Variants in NOSTRIN observed in about 807,000 individuals in gnomAD.
The protein encoded by NOSTRIN is nitric oxide synthase trafficking, also known as BM247 homolog.
In NOSTRIN, 63 loss-of-function variants were observed where a neutral mutation model predicts 59.0. The ratio of observed to expected loss-of-function variants is 1.07; its 90% CI spans 0.87 to 1.32. The LOEUF (loss-of-function observed/expected upper bound fraction) is 1.32, where lower values mean the gene tolerates loss of function less well. Among genes scored for constraint, NOSTRIN ranks in the 40% most tolerant of loss-of-function variants. The pLI is 0.00. For synonymous variants in NOSTRIN, 200 were observed against 165.4 expected (o/e 1.21, Z -1.61); for missense variants, 512 against 473.1 (o/e 1.08, Z -0.76).
chr2:168,851,245 C>G, intron 9 of NOSTRIN, 34 bp from the exon 10 acceptor site: 1 of 1,613,858 alleles, frequency 6.2e-7, no homozygotes, highest in South Asian at 1.1e-5. Context: ...AACCTTTCTT[C>G]GACAACCTTA....
intron 2 of NOSTRIN, among the ~76,000 whole-genome samples, chr2:168,788,405 T>A (rs1685260709): frequency 6.6e-6 from 1 of 150,788 alleles, no homozygotes; most frequent in Non-Finnish European, 1.5e-5. Context: ...TGGCCCGGAG[T>A]GGAATGATGG....
At chr2:168,823,216 C>T (rs1686855874) in intron 2 of NOSTRIN, among the ~76,000 whole-genome samples, 1 of 151,978 alleles carries the variant, frequency 6.6e-6, no homozygotes, top group South Asian at 2.1e-4. Flanking sequence ...CGGGGTTTCA[C>T]TGTGTTAGCC....
At chr2:168,846,504 G>C (rs940622936) in intron 8 of NOSTRIN, among the ~76,000 whole-genome samples, 2 of 152,136 alleles carry the variant, frequency 1.3e-5, no homozygotes, top group African/African-American at 4.8e-5. Context: ...CCTCAAATGT[G>C]ACTATAAGTA....
intron 2 of NOSTRIN, among the ~76,000 whole-genome samples, chr2:168,821,651 T>A (rs1472059426): frequency 3.3e-5 from 5 of 152,212 alleles, no homozygotes; most frequent in Non-Finnish European, 7.3e-5. Context: ...CGAGGATCCT[T>A]TTTTAGACGG....
Position 168,812,701 on chromosome 2 carries a change from C to A in NOSTRIN, c.113+1049C>A, listed in dbSNP as rs938284237. The stretch of plus-strand genomic sequence containing the variant: ...AGGAAAATGTGGGAAGGTAAATATA[C>A]GGGAAGAGTAAAGTCTGCTCCTAGA... On this transcript the variant is annotated intron_variant, in intron 2 of 15. Coordinates refer to ENST00000317647, the MANE Select transcript of NOSTRIN (RefSeq NM_001039724.4). Among the ~76,000 whole-genome samples the A allele has an allele frequency of 2.6e-5, 4 of 152,198 alleles. No individual in the cohort carries two copies. In the East Asian group the frequency reaches 7.7e-4, roughly 29 times the overall value.
chr2:168,834,502 C>T (rs113027495), intron 7 of NOSTRIN, among the ~76,000 whole-genome samples, 177 bp downstream of exon 7: 1 of 56,750 alleles, frequency 1.8e-5, no homozygotes, highest in Admixed American at 2.4e-4. Flanking sequence ...CGCGCGCGCG[C>T]GCGCGCACAC....
intron 7 of NOSTRIN, among the ~76,000 whole-genome samples, chr2:168,834,535 A>ACACACACACC (rs1687604797): frequency 6.7e-6 from 1 of 149,536 alleles, no homozygotes; most frequent in Non-Finnish European, 1.5e-5. Context: ...ACACACACAC[A>ACACACACACC]CACACACCAC....
chr2:168,814,273 A>G (rs1234609685), intron 2 of NOSTRIN, among the ~76,000 whole-genome samples: 1 of 152,212 alleles, frequency 6.6e-6, no homozygotes, highest in African/African-American at 2.4e-5. Flanking sequence ...GTCAACAATT[A>G]TGTTGGTTAT....
intron 10 of NOSTRIN, among the ~76,000 whole-genome samples, chr2:168,853,184 G>C (rs556136004): frequency 3.9e-5 from 6 of 152,262 alleles, no homozygotes; most frequent in Non-Finnish European, 8.8e-5. Flanking sequence ...CTAAGAGAAA[G>C]GACTGTGTCT....
At chr2:168,794,509 G>A (rs541701404), upstream of NOSTRIN, among the ~76,000 whole-genome samples, 5 of 150,996 alleles carry the variant, frequency 3.3e-5, no homozygotes, top group South Asian at 8.4e-4. Flanking sequence ...CCGCCACCGC[G>A]CCTGGCTAAT....
chr2:168,815,595 A>G (rs970414535), intron 2 of NOSTRIN, among the ~76,000 whole-genome samples: 1 of 152,214 alleles, frequency 6.6e-6, no homozygotes, highest in Non-Finnish European at 1.5e-5. Context: ...TCAATCCATG[A>G]TTCATTGCGG....
chr2:168,845,674 C>T (rs1688371125), intron 8 of NOSTRIN, among the ~76,000 whole-genome samples: 1 of 152,070 alleles, frequency 6.6e-6, no homozygotes, highest in Non-Finnish European at 1.5e-5. Context: ...TGGAAATTAT[C>T]TCTTTTCTTA....
At chr2:168,841,871 A>G (rs1688128692) in intron 7 of NOSTRIN, among the ~76,000 whole-genome samples, 1 of 152,244 alleles carries the variant, frequency 6.6e-6, no homozygotes, top group Non-Finnish European at 1.5e-5. Context: ...TTAACAAAAT[A>G]CGGACATCCA....
chr2:168,799,121 G>C (rs1446186821), upstream of NOSTRIN, among the ~76,000 whole-genome samples: 1 of 152,112 alleles, frequency 6.6e-6, no homozygotes, highest in Non-Finnish European at 1.5e-5. Context: ...AACAACTCAG[G>C]AGCTTCCTCT....
At chr2:168,810,109 T>C (rs1686057160) in intron 1 of NOSTRIN, among the ~76,000 whole-genome samples, 1 of 152,126 alleles carries the variant, frequency 6.6e-6, no homozygotes, top group South Asian at 2.1e-4. Context: ...CAGTTCACGG[T>C]CCTCACCCTC....
chr2:168,855,208 A>G (rs1379017451), intron 10 of NOSTRIN, 144 bp from the exon 11 acceptor site: 6 of 500,356 alleles, frequency 1.2e-5, no homozygotes, highest in Non-Finnish European at 2.1e-5. Context: ...CAATGTGTGT[A>G]AAACTAAAGA....
intron 2 of NOSTRIN, 134 bp from the exon 3 acceptor site, chr2:168,824,500 T>C (rs1375497194): frequency 8.8e-6 from 5 of 570,088 alleles, no homozygotes; most frequent in Non-Finnish European, 1.6e-5. Context: ...GGTTTCACCA[T>C]GTTGGCCAGG....
intron 2 of NOSTRIN, among the ~76,000 whole-genome samples, chr2:168,789,367 G>A (rs545792774): frequency 5.9e-5 from 9 of 152,286 alleles, no homozygotes; most frequent in African/African-American, 1.7e-4. Flanking sequence ...AACCATGGCC[G>A]AAGGCAAAAG....
chr2:168,850,791 A>T, intron 8 of NOSTRIN: 1 of 756,432 alleles, frequency 1.3e-6, no homozygotes. Context: ...ATTGTGTCTC[A>T]AATGCTTCCT....
Sources: gnomAD v4.1 joint callset for allele counts (sites outside exome capture counted in the v4.1 genomes callset) on GRCh38, gnomAD v4.1.1 for gene constraint, MANE v1.5 for transcripts, NCBI Gene and HGNC (gene_info 2026-07-23, HGNC 2026-07-21) for gene names.